SYN3: variants seen among roughly 807,000 people sequenced by gnomAD.
SYN3 encodes synapsin III.
In SYN3, 35 loss-of-function variants were observed where a neutral mutation model predicts 65.8. The observed-to-expected ratio is 0.53, with a 90% CI of 0.41 to 0.70. The LOEUF (loss-of-function observed/expected upper bound fraction) is 0.70. Among genes scored for constraint, SYN3 ranks in the 30% least tolerant of loss-of-function variants. The probability of loss-of-function intolerance (pLI) is 0.00; values close to 1 mark genes in which losing one functional copy is unlikely to be tolerated. For synonymous variants in SYN3, 270 were observed against 292.9 expected (o/e 0.92, Z 0.80); for missense variants, 680 against 749.0 (o/e 0.91, Z 1.08).
intron 6 of SYN3, among the ~76,000 whole-genome samples, chr22:32,739,351 G>T (rs2061375076): frequency 6.7e-6 from 1 of 149,510 alleles, no homozygotes; most frequent in Non-Finnish European, 1.5e-5. Flanking sequence ...CAGCCACATG[G>T]AACTGTGAGT....
chr22:32,596,850 A>C (rs2059207524), intron 6 of SYN3, 114 bp from the exon 7 acceptor site: 1 of 1,083,816 alleles, frequency 9.2e-7, no homozygotes, highest in African/African-American at 1.6e-5. Context: ...GGGAATCCCC[A>C]CAAGAATGCT....
chr22:32,791,744 G>T (rs919556481), intron 6 of SYN3, among the ~76,000 whole-genome samples: 1 of 151,786 alleles, frequency 6.6e-6, no homozygotes, highest in Admixed American at 6.6e-5. Flanking sequence ...ATGTGAAAAG[G>T]GATGGCAACG....
At chr22:33,024,834 C>T (rs2053613578) in intron 1 of SYN3, among the ~76,000 whole-genome samples, 1 of 152,152 alleles carries the variant, frequency 6.6e-6, no homozygotes, top group African/African-American at 2.4e-5. Context: ...GTTGTTAGTT[C>T]GTTGGGGGAG....
At chr22:32,854,934 C>T (rs1014304702) in intron 6 of SYN3, among the ~76,000 whole-genome samples, 2 of 152,298 alleles carry the variant, frequency 1.3e-5, no homozygotes, top group South Asian at 2.1e-4. Context: ...CACCTACCCC[C>T]GCCAACCAGT....
At chr22:32,682,501 C>T (rs1241680675) in intron 6 of SYN3, among the ~76,000 whole-genome samples, 1 of 152,098 alleles carries the variant, frequency 6.6e-6, no homozygotes, top group Non-Finnish European at 1.5e-5. Context: ...GACGACTCAT[C>T]CCCTTCTAGG....
At chr22:32,692,146 A>C (rs2060670487) in intron 6 of SYN3, among the ~76,000 whole-genome samples, 3 of 129,082 alleles carry the variant, frequency 2.3e-5, no homozygotes, top group Non-Finnish European at 3.2e-5. Flanking sequence ...AAAAGAAAAG[A>C]CAAAAAGACA....
chr22:32,941,555 A>G (rs2050938723), intron 3 of SYN3, among the ~76,000 whole-genome samples: 1 of 150,602 alleles, frequency 6.6e-6, no homozygotes. Context: ...TGCATTTCCA[A>G]CTGAGGTACC....
At chr22:32,767,214 C>T (rs544707420) in intron 6 of SYN3, among the ~76,000 whole-genome samples, 3 of 152,328 alleles carry the variant, frequency 2.0e-5, no homozygotes, top group East Asian at 1.9e-4. Context: ...GTTTTGCTTT[C>T]GTAAATAAAG....
At chr22:32,871,557 C>T (rs1350576573) in intron 4 of SYN3, among the ~76,000 whole-genome samples, 1 of 152,138 alleles carries the variant, frequency 6.6e-6, no homozygotes, top group Non-Finnish European at 1.5e-5. Flanking sequence ...ATCGTGGCTA[C>T]AAGGTCCCAA....
Position 32,711,250 on chromosome 22 carries a change from C to T in SYN3, c.712-114514G>A, listed in dbSNP as rs968621169. 8.5e-5 allele frequency among the ~76,000 whole-genome samples: 13 copies of T among 152,314 alleles called. No individual in the cohort carries two copies. In the East Asian group the frequency reaches 2.5e-3, roughly 29 times the overall value. The stretch of plus-strand genomic sequence containing the variant: ...AGTGCTGAGTTTTGCCTCAACTGAT[C>T]GAACCAGGAGTGGATACCTGGCCCT... On this transcript the variant is annotated intron_variant, in intron 6 of 13. Transcript: ENST00000358763.
intron 6 of SYN3, among the ~76,000 whole-genome samples, chr22:32,830,835 C>T (rs1471109579): frequency 1.3e-5 from 2 of 152,200 alleles, no homozygotes; most frequent in Non-Finnish European, 2.9e-5. Flanking sequence ...AAGGTGTTTC[C>T]TGCAAATCCT....
chr22:32,917,374 G>A (rs1163304588), intron 4 of SYN3, among the ~76,000 whole-genome samples: 2 of 152,102 alleles, frequency 1.3e-5, no homozygotes, highest in African/African-American at 2.4e-5. Flanking sequence ...ATGTGGCCTC[G>A]GAAAAACGTC....
At chr22:32,830,892 C>T (rs569752056) in intron 6 of SYN3, among the ~76,000 whole-genome samples, 23 of 152,254 alleles carry the variant, frequency 1.5e-4, no homozygotes, top group African/African-American at 4.8e-4. Flanking sequence ...CAGAACACCG[C>T]GATCTGCTGG....
intron 6 of SYN3, among the ~76,000 whole-genome samples, chr22:32,844,217 CAG>C (rs143934772): frequency 1.3e-5 from 2 of 151,684 alleles, no homozygotes; most frequent in African/African-American, 2.4e-5. Context: ...GGGATAGAAG[CAG>C]AGAGAGAGAG....
In SYN3 at chr22:32,650,279, C is replaced by CTTTTTTTTTTT. The variant is rs1371405589; in HGVS notation, c.712-53544_712-53543insAAAAAAAAAAA. ...CCTCCCTCTCTCTCTCTCTCTCTTT[C>CTTTTTTTTTTT]TTTTTGAGACAGAGTCTCACTCTAT... On this transcript the variant is annotated intron_variant, in intron 6 of 13. Transcript: ENST00000358763. Among the ~76,000 whole-genome samples the CTTTTTTTTTTT allele has an allele frequency of 1.0e-3, 114 of 111,876 alleles. 1 individual carries two copies. Among genetic ancestry groups the CTTTTTTTTTTT allele is most frequent in the African/African-American group, 4.0e-3 (109 of 27,480 alleles). 73.4% of individuals were successfully genotyped at this position (111,876 alleles called of 152,430 possible).
chr22:32,884,023 G>C (rs1050122577), intron 4 of SYN3, among the ~76,000 whole-genome samples: 1 of 152,224 alleles, frequency 6.6e-6, no homozygotes, highest in African/African-American at 2.4e-5. Context: ...GTTTCCTCAA[G>C]TTCTAGCTGG....
intron 2 of SYN3, among the ~76,000 whole-genome samples, chr22:32,991,338 A>AAATATAATAAT (rs2052707828): frequency 7.0e-6 from 1 of 142,618 alleles, no homozygotes; most frequent in Non-Finnish European, 1.5e-5. Flanking sequence ...ACTCCATCTC[A>AAATATAATAAT]AATAATAATA....
intron 6 of SYN3, among the ~76,000 whole-genome samples, chr22:32,696,839 T>C (rs754405008): frequency 5.3e-5 from 8 of 152,176 alleles, no homozygotes; most frequent in Admixed American, 1.3e-4. Flanking sequence ...CTTCTTATCA[T>C]GGTTTGGCTC....
intron 6 of SYN3, among the ~76,000 whole-genome samples, chr22:32,739,925 C>G (rs1260260269): frequency 6.6e-6 from 1 of 152,226 alleles, no homozygotes; most frequent in Non-Finnish European, 1.5e-5. Flanking sequence ...GCTGCACCCC[C>G]TACACATGTC....
Sources: allele counts gnomAD v4.1 joint callset (sites outside exome capture counted in the v4.1 genomes callset), GRCh38; gene constraint gnomAD v4.1.1; transcripts MANE v1.5; gene names NCBI Gene and HGNC (gene_info 2026-07-23, HGNC 2026-07-21).